The following DAB1 variants were observed in gnomAD, a reference collection of about 807,000 sequenced individuals.
The protein encoded by DAB1 is disabled homolog 1.
DAB1 carries 15 observed loss-of-function variants against 64.6 expected under a neutral mutation model. The observed-to-expected ratio is 0.23, with a 90% CI of 0.16 to 0.36. The LOEUF (loss-of-function observed/expected upper bound fraction) is 0.36. Ranked by LOEUF, DAB1 falls within the 10% of genes least tolerant of loss-of-function variation. DAB1 has a pLI of 1.00. For synonymous variants in DAB1, 235 were observed against 251.9 expected (o/e 0.93, Z 0.64); for missense variants, 596 against 706.7 (o/e 0.84, Z 1.78).
intron 1 of DAB1, among the ~76,000 whole-genome samples, chr1:57,848,993 A>G (rs1336413985): frequency 6.6e-6 from 1 of 152,190 alleles, no homozygotes; most frequent in Non-Finnish European, 1.5e-5. Context: ...AAAGGTAAAT[A>G]TTATTTCAAG....
At chr1:57,318,494 C>T (rs1675409695) in intron 1 of DAB1, among the ~76,000 whole-genome samples, 3 of 152,126 alleles carry the variant, frequency 2.0e-5, no homozygotes. Flanking sequence ...CAAGTTCCTA[C>T]TCAGCCTTCG....
At chr1:57,410,653 C>G (rs761041366) in intron 1 of DAB1, among the ~76,000 whole-genome samples, 15 of 152,148 alleles carry the variant, frequency 9.9e-5, no homozygotes, top group Non-Finnish European at 1.9e-4. Context: ...GCTTCTCAAA[C>G]AAATCAAGAC....
At chr1:57,083,964 T>C (rs1652811357) in intron 4 of DAB1, among the ~76,000 whole-genome samples, 1 of 152,222 alleles carries the variant, frequency 6.6e-6, no homozygotes, top group South Asian at 2.1e-4. Flanking sequence ...GTAAAGTGCC[T>C]AGCGTTCCGC....
chr1:58,169,492 G>A (rs1284652069), intron 4 of DAB1, among the ~76,000 whole-genome samples: 1 of 152,150 alleles, frequency 6.6e-6, no homozygotes, highest in Admixed American at 6.5e-5. Context: ...CTCTGAAAGA[G>A]AGGCACCTCA....
At chr1:57,300,755 C>G (rs1000434524) in intron 1 of DAB1, among the ~76,000 whole-genome samples, 1 of 152,036 alleles carries the variant, frequency 6.6e-6, no homozygotes, top group Non-Finnish European at 1.5e-5. Context: ...CTCTACAATG[C>G]GTAAGATTAT....
At chr1:58,003,634 G>T (rs777242787) in intron 5 of DAB1, among the ~76,000 whole-genome samples, 1 of 152,078 alleles carries the variant, frequency 6.6e-6, no homozygotes, top group Non-Finnish European at 1.5e-5. Flanking sequence ...CCTGCACTCC[G>T]GGGTCCACAT....
At chr1:57,051,633 C>A (rs1262827867) in intron 9 of DAB1, among the ~76,000 whole-genome samples, 1 of 152,174 alleles carries the variant, frequency 6.6e-6, no homozygotes, top group Non-Finnish European at 1.5e-5. Flanking sequence ...ATATGAGAAT[C>A]TTTCTAAGCT....
chr1:57,782,324 C>T (rs750146056), intron 6 of DAB1, among the ~76,000 whole-genome samples: 1 of 152,222 alleles, frequency 6.6e-6, no homozygotes, highest in South Asian at 2.1e-4. Context: ...AAAAAGAGGG[C>T]AGGTGACACA....
At chr1:57,982,902 A>C (rs1293877622) in intron 5 of DAB1, among the ~76,000 whole-genome samples, 1 of 152,136 alleles carries the variant, frequency 6.6e-6, no homozygotes, top group African/African-American at 2.4e-5. Flanking sequence ...TTCTCATTTA[A>C]TCTTCATGCT....
At chr1:57,172,924 A>G (rs1220196040) in intron 2 of DAB1, among the ~76,000 whole-genome samples, 2 of 152,174 alleles carry the variant, frequency 1.3e-5, no homozygotes, top group Non-Finnish European at 2.9e-5. Context: ...CCTGTATTTA[A>G]TCACCCAGTC....
chr1:58,360,435 A>G (rs1644154185), intron 3 of DAB1, among the ~76,000 whole-genome samples: 1 of 152,140 alleles, frequency 6.6e-6, no homozygotes, highest in Non-Finnish European at 1.5e-5. Flanking sequence ...ACACTTAGGG[A>G]CACATTACAT....
At chr1:57,621,277 T>TGC (rs1429953282) in intron 7 of DAB1, among the ~76,000 whole-genome samples, 1 of 150,806 alleles carries the variant, frequency 6.6e-6, no homozygotes, top group African/African-American at 2.4e-5. Context: ...TGTGTGTGTG[T>TGC]GCGTGTGTAG....
chr1:57,948,118 T>C (rs933479903), intron 5 of DAB1, among the ~76,000 whole-genome samples: 3 of 152,204 alleles, frequency 2.0e-5, no homozygotes, highest in African/African-American at 7.2e-5. Context: ...TGAGCTCAGG[T>C]ATATCTCTGG....
intron 5 of DAB1, among the ~76,000 whole-genome samples, chr1:58,078,767 C>T (rs142722946): frequency 8.1e-4 from 123 of 152,218 alleles, no homozygotes; most frequent in African/African-American, 2.7e-3. Flanking sequence ...TCACCCAAGG[C>T]GAGTCCCATT....
intron 7 of DAB1, among the ~76,000 whole-genome samples, chr1:57,528,522 G>A (rs891897126): frequency 6.6e-6 from 1 of 151,932 alleles, no homozygotes; most frequent in Non-Finnish European, 1.5e-5. Flanking sequence ...TTTAAAACGT[G>A]TATGCCAAGA....
chr1:57,517,298 A>G (rs1409670749), intron 7 of DAB1, among the ~76,000 whole-genome samples: 1 of 151,906 alleles, frequency 6.6e-6, no homozygotes, highest in African/African-American at 2.4e-5. Context: ...TAATTCTCTT[A>G]TTGTTTATTT....
At chr1:57,967,755 T>C (rs541508244) in intron 5 of DAB1, among the ~76,000 whole-genome samples, 1 of 152,272 alleles carries the variant, frequency 6.6e-6, no homozygotes, top group Non-Finnish European at 1.5e-5. Flanking sequence ...TAAATTAACA[T>C]ATTCAAAGTA....
At chr1:57,241,538 A>G (rs1668494511) in intron 2 of DAB1, among the ~76,000 whole-genome samples, 1 of 152,190 alleles carries the variant, frequency 6.6e-6, no homozygotes, top group Non-Finnish European at 1.5e-5. Context: ...TTGGGCTTAG[A>G]GTGGAGTCTG....
chr1:57,279,514 C>T (rs1671725899), intron 2 of DAB1, among the ~76,000 whole-genome samples: 1 of 152,184 alleles, frequency 6.6e-6, no homozygotes, highest in Non-Finnish European at 1.5e-5. Context: ...GAATAGATAG[C>T]TGTATACTCA....
Sources: gnomAD v4.1 joint callset for allele counts (sites outside exome capture counted in the v4.1 genomes callset) on GRCh38, gnomAD v4.1.1 for gene constraint, MANE v1.5 for transcripts, NCBI Gene and HGNC (gene_info 2026-07-23, HGNC 2026-07-21) for gene names.